CPSF3: variants seen among roughly 807,000 people sequenced by gnomAD.
The protein encoded by CPSF3 is cleavage and polyadenylation specific factor 3.
A neutral mutation model predicts 84.1 loss-of-function variants in CPSF3; 57 were observed. The observed-to-expected ratio is 0.68, with a 90% CI of 0.55 to 0.85. The LOEUF (loss-of-function observed/expected upper bound fraction) is 0.85. CPSF3 is among the 40% of genes least tolerant of loss of function. The pLI, the probability that CPSF3 is intolerant of heterozygous loss-of-function variation, is 0.00. For synonymous variants in CPSF3, 275 were observed against 278.1 expected, an observed-to-expected ratio of 0.99 and a Z score of 0.11; for missense variants, 522 against 838.8, an observed-to-expected ratio of 0.62 and a Z score of 4.66.
intron 10 of CPSF3, 105 bp downstream of exon 10, chr2:9,443,766 C>G (rs764553318): frequency 8.2e-6 from 10 of 1,220,126 alleles, no homozygotes; most frequent in African/African-American, 1.5e-5. Flanking sequence ...CCTACTAATG[C>G]GACACCCCCT....
rs533742891 is a variant in CPSF3 at position 9,455,684 on chromosome 2, G to A, written c.1530G>A (p.Thr510=). 50 of 1,613,874 alleles carry A rather than the reference G, an allele frequency of 3.1e-5. 1 individual carries two copies. Among genetic ancestry groups the A allele is most frequent in the South Asian group, 2.9e-4 (26 of 91,070 alleles). The change falls in exon 13 of 18, where the codon ACG becomes ACA. Residue 510 remains threonine (T), a synonymous_variant. Coordinates refer to ENST00000238112, the MANE Select transcript of CPSF3 (RefSeq NM_016207.4). ...ATTATACTGACCTGGCCATGAGCAC[G>A]GTGAAGCAGACCCAAGCCATTCCAT... ...LSNYTDLAMS[T]VKQTQAIPYT...
In CPSF3 at chr2:9,455,599, T is replaced by A. The variant is rs1681498075; in HGVS notation, c.1505-60T>A. On this transcript the variant is annotated intron_variant, in intron 12 of 17. Coordinates refer to ENST00000238112, the MANE Select transcript of CPSF3 (RefSeq NM_016207.4). ...TTGCTTTTATTTCTTTTTTCTTTGC[T>A]CCTGGTATGTGTTTTGTAGGACTAG... The A allele has an allele frequency of 6.0e-6, 7 of 1,164,316 alleles. No homozygotes were observed. In the Admixed American group the frequency reaches 1.2e-4, roughly 20 times the overall value. The allele number at this position is 1,164,316 out of a possible 1,614,324, so 72.1% of individuals were successfully genotyped here. A position where few individuals can be genotyped will look rare whatever the true frequency, so the allele number is the denominator to read the frequency against.
intron 15 of CPSF3, among the ~76,000 whole-genome samples, chr2:9,462,155 G>A (rs937181947): frequency 3.9e-5 from 6 of 152,176 alleles, no homozygotes; most frequent in African/African-American, 1.4e-4. Context: ...GCAGAATCAC[G>A]CCCAGGGCTT....
chr2:9,466,432 GCGCA>G (rs1558466921), intron 15 of CPSF3, among the ~76,000 whole-genome samples: 33 of 147,298 alleles, frequency 2.2e-4, no homozygotes, highest in African/African-American at 8.2e-4. Context: ...GCGCACACAC[GCGCA>G]CACACACAAA....
chr2:9,443,793 A>G (rs11681316), intron 10 of CPSF3, 132 bp downstream of exon 10: 491,400 of 892,882 alleles, frequency 0.55, 143,403 homozygotes, highest in Middle Eastern at 0.67. Flanking sequence ...AGCCTTTCAC[A>G]TGCACTCGGA....
intron 9 of CPSF3, 28 bp from the exon 10 acceptor site, chr2:9,443,482 GTTTGT>G (rs1242631415): frequency 3.1e-6 from 5 of 1,590,492 alleles, no homozygotes; most frequent in Non-Finnish European, 4.3e-6. Context: ...TAACTGGGTA[GTTTGT>G]TTTGTTATTT....
At chr2:9,442,125 T>C (rs908766519) in intron 9 of CPSF3, 149 bp downstream of exon 9, 1 of 750,612 alleles carries the variant, frequency 1.3e-6, no homozygotes, top group Non-Finnish European at 2.2e-6. Flanking sequence ...GCTAGAGATG[T>C]GCGTAGGATG....
chr2:9,451,671 C>G (rs555687865), intron 11 of CPSF3, among the ~76,000 whole-genome samples: 38 of 151,498 alleles, frequency 2.5e-4, no homozygotes, highest in Non-Finnish European at 4.9e-4. Flanking sequence ...GCATTCCAGC[C>G]TGGGTGACAG....
chr2:9,431,540 C>CTTTTTTTTTTTTT (rs1198118780), intron 4 of CPSF3, among the ~76,000 whole-genome samples: 2 of 84,148 alleles, frequency 2.4e-5, no homozygotes, highest in African/African-American at 1.1e-4. Flanking sequence ...TTTTTTTTTT[C>CTTTTTTTTTTTTT]TTTTTTTTTT....
chr2:9,473,083 C>T lies in CPSF3; in HGVS notation c.*66C>T, dbSNP rs1682243641. On this transcript the variant is annotated 3_prime_UTR_variant, in exon 18 of 18. Coordinates refer to ENST00000238112, the MANE Select transcript of CPSF3 (RefSeq NM_016207.4). ...TACTTTTGTTACCTAAAATAAAATGCATTCGTTTCTCTGGGGGAGCCTGTT... is the reference window on the plus strand; with the variant it reads ...TACTTTTGTTACCTAAAATAAAATGTATTCGTTTCTCTGGGGGAGCCTGTT... 1 of 1,145,134 alleles carries T rather than the reference C, an allele frequency of 8.7e-7. No homozygotes were observed. The highest frequency in any genetic ancestry group is 1.3e-6 in the Non-Finnish European group (1 of 777,978). 70.9% of individuals were successfully genotyped at this position (1,145,134 alleles called of 1,614,324 possible). A position where few individuals can be genotyped will look rare whatever the true frequency, so the allele number is the denominator to read the frequency against.
At chr2:9,426,485 G>T (rs1160587814) in intron 1 of CPSF3, among the ~76,000 whole-genome samples, 1 of 152,174 alleles carries the variant, frequency 6.6e-6, no homozygotes, top group Non-Finnish European at 1.5e-5. Context: ...TCACGTGTAT[G>T]TATTAAAGGT....
chr2:9,440,688 A>G, intron 8 of CPSF3, 22 bp downstream of exon 8: 1 of 1,612,818 alleles, frequency 6.2e-7, no homozygotes, highest in Non-Finnish European at 8.5e-7. Flanking sequence ...TGGAAGAAAG[A>G]CAAGGATGGA....
chr2:9,432,699 G>A lies in CPSF3; in HGVS notation c.519+11G>A. 6.7e-7 allele frequency: 1 copy of A among 1,488,720 alleles called. No homozygotes were observed. Among genetic ancestry groups the A allele is most frequent in the Non-Finnish European group, 9.1e-7 (1 of 1,099,526 alleles). 92.2% of individuals were successfully genotyped at this position (1,488,720 alleles called of 1,614,324 possible). ...ATCGCAGGCGTGAAGGTACCCTCTG[G>A]CTGTGGCGCTTTTCTCCCCAGAGAA... On this transcript the variant is annotated intron_variant, in intron 5 of 17. Transcript: ENST00000238112.
intron 1 of CPSF3, among the ~76,000 whole-genome samples, chr2:9,425,123 G>T (rs915168743): frequency 6.6e-6 from 1 of 152,230 alleles, no homozygotes; most frequent in Non-Finnish European, 1.5e-5. Context: ...GAATGAGTAG[G>T]AGTTAAAGAC....
chr2:9,440,511 C>G lies in CPSF3; in HGVS notation c.781C>G (p.Pro261Ala). The change falls in exon 8 of 18, where the codon CCA becomes GCA. Residue 261 changes from proline (P) to alanine (A), a missense_variant. Pro to Ala is a conservative substitution (Grantham distance 27). Around this residue, in one of 2 missense-constraint regions of CPSF3, gnomAD observed 329 missense variants for 607.2 expected, o/e 0.54. Transcript: ENST00000238112. Reference protein sequence around the residue: ...LILDEYWQNHPELHDIPIYYA... With the variant: ...LILDEYWQNHAELHDIPIYYA... ...TCTAGATGAGTACTGGCAGAATCAC[C>G]CAGAACTACATGACATTCCAATATA... The G allele has an allele frequency of 6.2e-7, 1 of 1,613,628 alleles. No homozygotes were observed. Among genetic ancestry groups the G allele is most frequent in the Non-Finnish European group, 8.5e-7 (1 of 1,179,706 alleles).
intron 4 of CPSF3, among the ~76,000 whole-genome samples, chr2:9,431,622 G>A (rs1372827200): frequency 1.4e-5 from 2 of 139,900 alleles, no homozygotes; most frequent in South Asian, 2.2e-4. Context: ...TTAGCTCACT[G>A]CAACCTCTGC....
intron 6 of CPSF3, among the ~76,000 whole-genome samples, chr2:9,435,404 T>C (rs1680740245): frequency 6.6e-6 from 1 of 152,028 alleles, no homozygotes; most frequent in East Asian, 1.9e-4. Flanking sequence ...TTATAAAAAG[T>C]TCTTAGATTT....
chr2:9,441,503 C>G (rs1419779429), intron 8 of CPSF3, among the ~76,000 whole-genome samples: 1 of 152,186 alleles, frequency 6.6e-6, no homozygotes, highest in Non-Finnish European at 1.5e-5. Context: ...ACCCATTTGA[C>G]TCTTCCTTTT....
intron 2 of CPSF3, 55 bp downstream of exon 2, chr2:9,428,883 T>C: frequency 9.3e-7 from 1 of 1,075,686 alleles, no homozygotes; most frequent in Non-Finnish European, 1.4e-6. Context: ...GTATTGGGTG[T>C]TAGTCTTTTC....
Sources: gnomAD v4.1 joint callset for allele counts (sites outside exome capture counted in the v4.1 genomes callset) on GRCh38, gnomAD v4.1.1 for gene constraint, gnomAD v4.1.1 regional missense constraint, MANE v1.5 for transcripts, NCBI Gene and HGNC (gene_info 2026-07-23, HGNC 2026-07-21) for gene names.